MACROD2: variants seen among roughly 807,000 people sequenced by gnomAD.
MACROD2 encodes the protein mono-ADP ribosylhydrolase 2, also known as ADP-ribose glycohydrolase MACROD2.
A neutral mutation model predicts 70.4 loss-of-function variants in MACROD2; 36 were observed. The observed-to-expected ratio is 0.51, with a 90% CI of 0.39 to 0.68. The LOEUF is 0.68. Ranked by LOEUF, MACROD2 falls within the 30% of genes least tolerant of loss-of-function variation. The probability of loss-of-function intolerance (pLI) is 0.00; values close to 1 mark genes in which losing one functional copy is unlikely to be tolerated. For synonymous variants in MACROD2, 172 were observed against 178.8 expected (o/e 0.96, Z 0.30); for missense variants, 496 against 538.4 (o/e 0.92, Z 0.78).
chr20:15,771,858 G>A (rs1473895643), intron 8 of MACROD2, among the ~76,000 whole-genome samples: 3 of 149,120 alleles, frequency 2.0e-5, no homozygotes, highest in Non-Finnish European at 3.0e-5. Context: ...GCCGAGGTGG[G>A]CGGATCAAAA....
At chr20:15,177,526 G>A (rs973327975) in intron 5 of MACROD2, among the ~76,000 whole-genome samples, 18 of 152,170 alleles carry the variant, frequency 1.2e-4, no homozygotes, top group Middle Eastern at 3.4e-3. Flanking sequence ...CTCATTCATC[G>A]CCATTGAATC....
At chr20:14,786,788 A>G (rs2072380009) in intron 5 of MACROD2, among the ~76,000 whole-genome samples, 2 of 151,998 alleles carry the variant, frequency 1.3e-5, no homozygotes, top group Non-Finnish European at 2.9e-5. Context: ...TTCCCATTTC[A>G]CTTTTTAGTA....
intron 11 of MACROD2, among the ~76,000 whole-genome samples, chr20:15,935,741 C>A (rs2065648447): frequency 6.6e-6 from 1 of 152,082 alleles, no homozygotes; most frequent in African/African-American, 2.4e-5. Flanking sequence ...GAAGAATAAA[C>A]CAACAACCAA....
At chr20:15,845,373 T>C (rs1371146210) in intron 8 of MACROD2, among the ~76,000 whole-genome samples, 1 of 152,158 alleles carries the variant, frequency 6.6e-6, no homozygotes, top group Non-Finnish European at 1.5e-5. Flanking sequence ...GTAACTAGGA[T>C]GTTTACTAAG....
At chr20:15,309,820 A>G (rs75023571) in intron 6 of MACROD2, among the ~76,000 whole-genome samples, 5,813 of 152,262 alleles carry the variant, frequency 0.038, 390 homozygotes, top group African/African-American at 0.13. Context: ...TATTTTTGCT[A>G]GGTATTGAAG....
At chr20:14,628,799 A>G (rs1239130087) in intron 4 of MACROD2, 1 of 152,154 alleles carries the variant, frequency 6.6e-6, no homozygotes, top group Non-Finnish European at 1.5e-5. Flanking sequence ...AAAGATAGTG[A>G]CAAGAGCTGT....
intron 8 of MACROD2, among the ~76,000 whole-genome samples, chr20:15,845,276 T>C (rs955569281): frequency 1.3e-5 from 2 of 152,156 alleles, no homozygotes; most frequent in Non-Finnish European, 2.9e-5. Flanking sequence ...TCCATAAAAA[T>C]GTCCAGGACT....
intron 13 of MACROD2, chr20:15,985,641 T>C (rs1325928034): frequency 6.6e-6 from 1 of 152,614 alleles, no homozygotes; most frequent in Non-Finnish European, 1.5e-5. Flanking sequence ...GAGTGCTCTT[T>C]GGATCCTGTC....
At chr20:15,338,839 GAAACACAAGCATTATGGTTCATTTTA>G (rs137946258) in intron 6 of MACROD2, among the ~76,000 whole-genome samples, 8,046 of 151,608 alleles carry the variant, frequency 0.053, 944 homozygotes, top group African/African-American at 0.18. Context: ...ACCTTGACTG[GAAACACAAGCATTATGGTTCATTTTA>G]AAATACAATG....
chr20:14,206,904 A>G (rs928338097), intron 3 of MACROD2, among the ~76,000 whole-genome samples: 3 of 152,180 alleles, frequency 2.0e-5, no homozygotes, highest in African/African-American at 7.2e-5. Context: ...ATACAAGAAG[A>G]GATTTTTAAA....
At chr20:14,392,761 G>A (rs2083540688) in intron 3 of MACROD2, among the ~76,000 whole-genome samples, 1 of 152,004 alleles carries the variant, frequency 6.6e-6, no homozygotes, top group South Asian at 2.1e-4. Context: ...GCTCTATTAT[G>A]TGGCTCCCAA....
chr20:14,538,472 C>G (rs142898749), intron 4 of MACROD2, among the ~76,000 whole-genome samples: 3 of 152,292 alleles, frequency 2.0e-5, no homozygotes, highest in Non-Finnish European at 4.4e-5. Context: ...GATCACAATA[C>G]ACCCCTGCCT....
chr20:15,690,862 G>C (rs1211824584), intron 8 of MACROD2, among the ~76,000 whole-genome samples: 1 of 152,110 alleles, frequency 6.6e-6, no homozygotes, highest in African/African-American at 2.4e-5. Context: ...AGTCTGCAGG[G>C]ACCTTTATAT....
At chr20:15,698,596 C>T (rs1341667940) in intron 8 of MACROD2, among the ~76,000 whole-genome samples, 1 of 152,144 alleles carries the variant, frequency 6.6e-6, no homozygotes, top group Non-Finnish European at 1.5e-5. Context: ...GTTCTTTGTG[C>T]TTCTTGTATT....
intron 9 of MACROD2, among the ~76,000 whole-genome samples, chr20:15,865,806 G>T (rs948244280): frequency 6.6e-6 from 1 of 152,296 alleles, no homozygotes; most frequent in East Asian, 1.9e-4. Flanking sequence ...CCAGCAAGTG[G>T]GCAGCAAGAG....
chr20:15,416,768 G>T (rs540377173), intron 6 of MACROD2, among the ~76,000 whole-genome samples: 5 of 91,036 alleles, frequency 5.5e-5, no homozygotes, highest in South Asian at 2.8e-4. Context: ...GCGGGGCGGT[G>T]GGGGGGCGCC....
At chr20:14,113,210 G>A (rs1601238539) in intron 3 of MACROD2, among the ~76,000 whole-genome samples, 1 of 152,050 alleles carries the variant, frequency 6.6e-6, no homozygotes, top group East Asian at 1.9e-4. Context: ...TTTACATACT[G>A]TTAGTACAAA....
At chr20:15,674,826 A>T (rs1600742042) in intron 8 of MACROD2, among the ~76,000 whole-genome samples, 1 of 152,150 alleles carries the variant, frequency 6.6e-6, no homozygotes, top group Admixed American at 6.5e-5. Context: ...GCATATATAG[A>T]TGTATGCATT....
chr20:14,463,361 CT>C (rs2084395960), intron 3 of MACROD2, among the ~76,000 whole-genome samples: 1 of 151,962 alleles, frequency 6.6e-6, no homozygotes, highest in Admixed American at 6.6e-5. Context: ...TATAAGAATG[CT>C]TGTGATTTTT....
Sources: allele counts gnomAD v4.1 joint callset (sites outside exome capture counted in the v4.1 genomes callset), GRCh38; gene constraint gnomAD v4.1.1; transcripts MANE v1.5; gene names NCBI Gene and HGNC (gene_info 2026-07-23, HGNC 2026-07-21).